Variants in RAD51B observed in about 807,000 individuals in gnomAD.
RAD51B encodes the protein RAD51 paralog B.
In RAD51B, 38 loss-of-function variants were observed where a neutral mutation model predicts 42.2. The observed-to-expected ratio is 0.90, with a 90% CI of 0.70 to 1.18. The LOEUF is 1.18. RAD51B is among the 50% of genes most tolerant of loss of function. The probability of loss-of-function intolerance (pLI) is 0.00; values close to 1 mark genes in which losing one functional copy is unlikely to be tolerated. For missense variants in RAD51B, 373 were observed against 400.7 expected (o/e 0.93, Z 0.59); for synonymous variants, 154 against 145.2 (o/e 1.06, Z -0.43).
chr14:67,903,467 T>C (rs1370603961), intron 7 of RAD51B, among the ~76,000 whole-genome samples: 1 of 152,200 alleles, frequency 6.6e-6, no homozygotes. Context: ...AAGACTCTTG[T>C]TTCTATTATG....
At chr14:68,155,314 C>T (rs964197428) in intron 7 of RAD51B, among the ~76,000 whole-genome samples, 1 of 151,892 alleles carries the variant, frequency 6.6e-6, no homozygotes, top group African/African-American at 2.4e-5. Context: ...GCCTCAGCCT[C>T]CCAAGTAGCT....
chr14:68,496,221 T>C (rs946444099), intron 10 of RAD51B, among the ~76,000 whole-genome samples: 21 of 152,156 alleles, frequency 1.4e-4, no homozygotes, highest in Admixed American at 1.4e-3. Flanking sequence ...TTATGACAAA[T>C]ATTTGGCTGT....
At chr14:68,215,512 G>A (rs2079796679) in intron 7 of RAD51B, among the ~76,000 whole-genome samples, 1 of 152,194 alleles carries the variant, frequency 6.6e-6, no homozygotes, top group Non-Finnish European at 1.5e-5. Flanking sequence ...ATAGTTCCGG[G>A]AGTTAGGTGC....
rs1014454920 is a variant in RAD51B, at chr14:68,582,739, A to G, written c.1037-11746A>G. Among the ~76,000 whole-genome samples, 11 of 152,368 alleles carry G rather than the reference A, an allele frequency of 7.2e-5. No individual in the cohort carries two copies. The South Asian group carries it at 1.0e-3, about 14-fold the overall frequency. ...TGTGGCACTGTTCACAATAGCAAAG[A>G]CTTGGAATCAACCCAAACGCCCATC... On this transcript the variant is annotated intron_variant, in intron 10 of 10. Coordinates refer to the RAD51B transcript ENST00000487270.
intron 7 of RAD51B, among the ~76,000 whole-genome samples, chr14:68,085,433 G>T (rs1023236274): frequency 6.6e-6 from 1 of 152,168 alleles, no homozygotes; most frequent in African/African-American, 2.4e-5. Flanking sequence ...CTGAAGAGAG[G>T]AGGGACTGGA....
intron 8 of RAD51B, among the ~76,000 whole-genome samples, chr14:68,395,883 C>T (rs2083903007): frequency 6.6e-6 from 1 of 152,158 alleles, no homozygotes; most frequent in Non-Finnish European, 1.5e-5. Context: ...AAATTTTTAA[C>T]ACATGATTCT....
chr14:68,127,604 AACACACACACACAC>A (rs1158570155), intron 7 of RAD51B, among the ~76,000 whole-genome samples: 2,956 of 133,600 alleles, frequency 0.022, 51 homozygotes, highest in African/African-American at 0.045. Context: ...TGTACATTGT[AACACACACACACAC>A]ACACACACAC....
chr14:68,197,042 G>A (rs549406330), intron 7 of RAD51B, among the ~76,000 whole-genome samples: 2 of 152,266 alleles, frequency 1.3e-5, no homozygotes, highest in African/African-American at 4.8e-5. Context: ...ATTTACTCAT[G>A]ATACTAACTC....
chr14:68,424,509 T>C (rs1009840142), intron 9 of RAD51B, among the ~76,000 whole-genome samples: 5 of 152,230 alleles, frequency 3.3e-5, no homozygotes, highest in African/African-American at 1.2e-4. Context: ...TTGTAACTAT[T>C]TATGCAGTGT....
intron 7 of RAD51B, among the ~76,000 whole-genome samples, chr14:68,155,112 A>G (rs546031014): frequency 6.6e-6 from 1 of 152,238 alleles, no homozygotes; most frequent in East Asian, 1.9e-4. Context: ...AGCTACTAGA[A>G]TGGTAAGTTT....
chr14:68,020,086 G>A (rs1176472557), intron 7 of RAD51B, among the ~76,000 whole-genome samples: 1 of 152,160 alleles, frequency 6.6e-6, no homozygotes, highest in Non-Finnish European at 1.5e-5. Context: ...ACAAGGTGAT[G>A]AGCATGGCCT....
Position 68,071,021 on chromosome 14 carries a change from G to A in RAD51B, c.756+183817G>A, listed in dbSNP as rs375021252. Among the ~76,000 whole-genome samples the A allele has an allele frequency of 1.1e-4, 17 of 152,158 alleles. No homozygotes were observed. The East Asian group carries it at 2.9e-3, about 26-fold the overall frequency. On this transcript the variant is annotated intron_variant, in intron 7 of 10. Transcript: ENST00000471583. Reference sequence around the variant, plus strand: ...CCTCCATGATTAGGTGTATTCCTAAGTATTTTGGTTTTTTTGTGGCTGTTG... The same window carrying A: ...CCTCCATGATTAGGTGTATTCCTAAATATTTTGGTTTTTTTGTGGCTGTTG...
At chr14:68,143,912 CTTTA>C (rs1034781118) in intron 7 of RAD51B, among the ~76,000 whole-genome samples, 1 of 152,028 alleles carries the variant, frequency 6.6e-6, no homozygotes, top group Non-Finnish European at 1.5e-5. Context: ...GAACTGATGG[CTTTA>C]TTTTTTTCTC....
chr14:68,576,274 A>G (rs11629070), intron 10 of RAD51B, among the ~76,000 whole-genome samples: 30,103 of 152,228 alleles, frequency 0.2, 3,862 homozygotes, highest in Non-Finnish European at 0.28. Flanking sequence ...CCCAGGGGTC[A>G]CAGAGCAGGG....
intron 7 of RAD51B, among the ~76,000 whole-genome samples, chr14:67,922,529 G>A (rs935178902): frequency 1.5e-4 from 22 of 151,566 alleles, no homozygotes; most frequent in African/African-American, 5.1e-4. Context: ...TGTTGTTGTT[G>A]CAGATAGTAT....
chr14:68,067,229 G>A (rs867665966), intron 7 of RAD51B, among the ~76,000 whole-genome samples: 6 of 152,076 alleles, frequency 3.9e-5, no homozygotes, highest in South Asian at 2.1e-4. Flanking sequence ...TTGGGAGGCC[G>A]AGGTGGGCAG....
At position 68,214,042 on chromosome 14, in the gene RAD51B, T is replaced by C. The variant is rs140949026; in HGVS notation, c.757-77842T>C. On this transcript the variant is annotated intron_variant, in intron 7 of 10. Transcript: ENST00000471583. Reference sequence around the variant, plus strand: ...TAGAGAATGTGGCCTGATCTGTGGCTACAATCAGGCCTTTTATACCCTTCC... The same window carrying C: ...TAGAGAATGTGGCCTGATCTGTGGCCACAATCAGGCCTTTTATACCCTTCC... Among the ~76,000 whole-genome samples, 346 of 152,302 alleles carry C rather than the reference T, an allele frequency of 2.3e-3. 2 individuals carry two copies. The highest frequency in any genetic ancestry group is 3.7e-3 in the Non-Finnish European group (250 of 68,026).
chr14:68,027,304 T>C (rs2075970539), intron 7 of RAD51B, among the ~76,000 whole-genome samples: 1 of 152,154 alleles, frequency 6.6e-6, no homozygotes, highest in African/African-American at 2.4e-5. Flanking sequence ...TTGGTGAATC[T>C]GATGTCTGTG....
chr14:68,155,341 G>C (rs2767386), intron 7 of RAD51B, among the ~76,000 whole-genome samples: 1 of 151,788 alleles, frequency 6.6e-6, no homozygotes, highest in Non-Finnish European at 1.5e-5. Context: ...ACAGGTGCCC[G>C]CCACCATGCC....
Sources: gnomAD v4.1 joint callset for allele counts (sites outside exome capture counted in the v4.1 genomes callset) on GRCh38, gnomAD v4.1.1 for gene constraint, MANE v1.5 for transcripts, NCBI Gene and HGNC (gene_info 2026-07-23, HGNC 2026-07-21) for gene names.